The following ATF2 variants were observed in gnomAD, a reference collection of about 807,000 sequenced individuals.
The protein encoded by ATF2 is activating transcription factor 2, also known as cyclic AMP-dependent transcription factor ATF-2.
Under a neutral mutation model 60.6 loss-of-function variants are expected in ATF2, and 24 were observed. The ratio of observed to expected loss-of-function variants is 0.40; its 90% CI spans 0.29 to 0.56. The LOEUF (loss-of-function observed/expected upper bound fraction) is 0.56. Ranked by LOEUF, ATF2 falls within the 20% of genes least tolerant of loss-of-function variation. ATF2 has a pLI of 0.54. For synonymous variants in ATF2, 206 were observed against 215.4 expected (o/e 0.96, Z 0.38); for missense variants, 433 against 607.7 (o/e 0.71, Z 3.02).
chr2:175,084,985 A>T, intron 12 of ATF2, among the ~76,000 whole-genome samples: 1 of 152,172 alleles, frequency 6.6e-6, no homozygotes, highest in East Asian at 1.9e-4. Flanking sequence ...AAATAATATG[A>T]ATCTGGTCAG....
At chr2:175,142,720 A>AGAGAGAGTGTGT (rs1491359659) in intron 2 of ATF2, among the ~76,000 whole-genome samples, 4 of 71,098 alleles carry the variant, frequency 5.6e-5, no homozygotes, top group African/African-American at 1.9e-4. Context: ...AGAGAGAGAG[A>AGAGAGAGTGTGT]GTGTGTGTGT....
At chr2:175,155,487 CAG>C (rs1699614552) in intron 1 of ATF2, among the ~76,000 whole-genome samples, 1 of 152,094 alleles carries the variant, frequency 6.6e-6, no homozygotes, top group African/African-American at 2.4e-5. Flanking sequence ...AGTGTGATGA[CAG>C]AAAGAATAAC....
intron 5 of ATF2, 130 bp downstream of exon 5, chr2:175,121,314 G>T: frequency 2.1e-6 from 1 of 477,872 alleles, no homozygotes; most frequent in Non-Finnish European, 3.5e-6. Flanking sequence ...TAAAATACAT[G>T]TTGCCAACAT....
intron 2 of ATF2, 85 bp from the exon 3 acceptor site, chr2:175,136,571 CTCTG>C (rs1698155802): frequency 2.4e-6 from 2 of 829,214 alleles, no homozygotes; most frequent in Admixed American, 5.0e-5. Flanking sequence ...TCAAATTACT[CTCTG>C]TAACACTACT....
At chr2:175,161,111 T>C (rs1360101376) in intron 1 of ATF2, among the ~76,000 whole-genome samples, 1 of 152,212 alleles carries the variant, frequency 6.6e-6, no homozygotes, top group East Asian at 1.9e-4. Flanking sequence ...AAGGATATGC[T>C]ATACTGAAGG....
In ATF2 at chr2:175,111,624, C is replaced by T; in HGVS notation, c.772G>A (p.Val258Ile). 1.2e-6 allele frequency: 2 copies of T among 1,613,818 alleles called. No individual in the cohort carries two copies. The highest frequency in any genetic ancestry group is 1.7e-6 in the Non-Finnish European group (2 of 1,179,836). Reference protein sequence around the residue: ...LVRPVTMVPSVPGIPGPSSPQ... With the variant: ...LVRPVTMVPSIPGIPGPSSPQ... ...GAGGAAGGACCTGGGATTCCTGGAA[C>T]ACTAGGCACCATGGTGACTGGTCGA... The change falls in exon 10 of 14, where the codon GTT becomes ATT. Residue 258 changes from valine to isoleucine, a missense_variant. Transcript: ENST00000264110.
At position 175,162,045 on chromosome 2, in the gene ATF2, G is replaced by C. The variant is rs748143981; in HGVS notation, c.-143+6005C>G. On this transcript the variant is annotated intron_variant, in intron 1 of 13. Coordinates refer to ENST00000264110, the MANE Select transcript of ATF2 (RefSeq NM_001880.4). Reference sequence around the variant, plus strand: ...CAAAATGGTGGGATTACAGGCATGAGCCACCATGCCCAGCCCAGAAATTAA... The same window carrying C: ...CAAAATGGTGGGATTACAGGCATGACCCACCATGCCCAGCCCAGAAATTAA... 1.2e-3 allele frequency among the ~76,000 whole-genome samples: 188 copies of C among 152,288 alleles called. 2 individuals are homozygous for C. The highest frequency in any genetic ancestry group is 2.3e-3 in the Non-Finnish European group (154 of 68,028).
intron 10 of ATF2, among the ~76,000 whole-genome samples, chr2:175,098,945 C>T (rs536546158): frequency 2.0e-5 from 3 of 152,090 alleles, no homozygotes; most frequent in Admixed American, 6.5e-5. Context: ...TATGCGTGAA[C>T]AAATGTTAGT....
chr2:175,118,259 TGTC>T lies in ATF2; in HGVS notation c.307_309del (p.Asp103del), dbSNP rs776349439. 11 of 1,606,566 alleles carry T rather than the reference TGTC, an allele frequency of 6.8e-6. No individual in the cohort carries two copies. The highest frequency in any genetic ancestry group is 7.6e-6 in the Non-Finnish European group (9 of 1,176,894). On this transcript the variant is annotated inframe_deletion, in exon 6 of 14. Coordinates refer to ENST00000264110, the MANE Select transcript of ATF2 (RefSeq NM_001880.4). Reference sequence around the variant, plus strand: ...TCATGGTTACAACATACTTTTTTAATGTCATCTTCTGAAGCTTTCTTGAATTCA... The same window carrying T: ...TCATGGTTACAACATACTTTTTTAATATCTTCTGAAGCTTTCTTGAATTCA...
At chr2:175,133,584 T>C (rs1321314453) in intron 3 of ATF2, among the ~76,000 whole-genome samples, 1 of 152,208 alleles carries the variant, frequency 6.6e-6, no homozygotes, top group Non-Finnish European at 1.5e-5. Context: ...ATGTTGAATG[T>C]GTAGGCTTCA....
At chr2:175,163,787 G>C (rs1282460186) in intron 1 of ATF2, among the ~76,000 whole-genome samples, 1 of 151,292 alleles carries the variant, frequency 6.6e-6, no homozygotes, top group African/African-American at 2.4e-5. Flanking sequence ...GCCAGGTGTG[G>C]TGGCGGGCAC....
At chr2:175,130,487 A>C (rs1017660471) in intron 3 of ATF2, among the ~76,000 whole-genome samples, 1 of 152,076 alleles carries the variant, frequency 6.6e-6, no homozygotes, top group Admixed American at 6.6e-5. Flanking sequence ...TGAAATGAAC[A>C]CATTTCATTT....
intron 2 of ATF2, among the ~76,000 whole-genome samples, chr2:175,149,686 G>C (rs563506643): frequency 2.7e-4 from 41 of 152,256 alleles, no homozygotes; most frequent in African/African-American, 9.1e-4. Context: ...GCAGCTCACA[G>C]GATAGTCTCA....
intron 12 of ATF2, among the ~76,000 whole-genome samples, chr2:175,083,113 C>T (rs1178787672): frequency 6.6e-6 from 1 of 151,738 alleles, no homozygotes; most frequent in Non-Finnish European, 1.5e-5. Context: ...ATCAAGCTAC[C>T]AATGACTTTC....
intron 4 of ATF2, among the ~76,000 whole-genome samples, chr2:175,125,922 C>T (rs1476764934): frequency 2.0e-5 from 3 of 152,102 alleles, no homozygotes; most frequent in Admixed American, 2.0e-4. Context: ...CTGTGATATT[C>T]CCACCTTAAA....
intron 3 of ATF2, among the ~76,000 whole-genome samples, chr2:175,131,942 T>A (rs1697759317): frequency 6.6e-6 from 1 of 152,218 alleles, no homozygotes; most frequent in African/African-American, 2.4e-5. Flanking sequence ...ACATATTTTT[T>A]AAAACAATAT....
chr2:175,106,542 A>G lies in ATF2; in HGVS notation c.828+5026T>C, dbSNP rs566701272. Among the ~76,000 whole-genome samples, 5 of 150,402 alleles carry G rather than the reference A, an allele frequency of 3.3e-5. No individual in the cohort carries two copies. The East Asian group carries it at 6.0e-4, about 18-fold the overall frequency. The stretch of plus-strand genomic sequence containing the variant: ...GACTGTCCAAAAACAACAACAAAAA[A>G]AAAAGAATTACAGTCAGGTGCAGTG... On this transcript the variant is annotated intron_variant, in intron 10 of 13. Coordinates refer to ENST00000264110, the MANE Select transcript of ATF2 (RefSeq NM_001880.4).
chr2:175,101,181 A>G (rs1450171837), intron 10 of ATF2, among the ~76,000 whole-genome samples: 1 of 152,158 alleles, frequency 6.6e-6, no homozygotes, highest in African/African-American at 2.4e-5. Context: ...AATTGATGGG[A>G]TAATGTGGAA....
At chr2:175,134,271 T>C (rs1192067494) in intron 3 of ATF2, among the ~76,000 whole-genome samples, 2 of 152,154 alleles carry the variant, frequency 1.3e-5, no homozygotes, top group Non-Finnish European at 1.5e-5. Flanking sequence ...AGGATGTGCA[T>C]AGGTGATACA....
Sources: gnomAD v4.1 joint callset for allele counts (sites outside exome capture counted in the v4.1 genomes callset) on GRCh38, gnomAD v4.1.1 for gene constraint, MANE v1.5 for transcripts, NCBI Gene and HGNC (gene_info 2026-07-23, HGNC 2026-07-21) for gene names.